The following EPHA7 variants were observed in gnomAD, a reference collection of about 807,000 sequenced individuals.
EPHA7 encodes the protein EPH receptor A7.
In EPHA7, 25 loss-of-function variants were observed where a neutral mutation model predicts 112.6. The ratio of observed to expected loss-of-function variants is 0.22; its 90% CI spans 0.16 to 0.31. The LOEUF (loss-of-function observed/expected upper bound fraction) is 0.31. Ranked by LOEUF, EPHA7 falls within the 10% of genes least tolerant of loss-of-function variation. The pLI, the probability that EPHA7 is intolerant of heterozygous loss-of-function variation, is 1.00. For missense variants in EPHA7, 962 were observed against 1,212.6 expected, an observed-to-expected ratio of 0.79 and a Z score of 3.07; for synonymous variants, 437 against 406.5, an observed-to-expected ratio of 1.07 and a Z score of -0.90.
intron 9 of EPHA7, 63 bp downstream of exon 9, chr6:93,263,797 G>T: frequency 7.3e-7 from 1 of 1,365,718 alleles, no homozygotes; most frequent in Non-Finnish European, 1.0e-6. Flanking sequence ...TAATGCCAAT[G>T]CTAATAACCA....
intron 5 of EPHA7, among the ~76,000 whole-genome samples, chr6:93,322,888 T>C (rs1244343290): frequency 6.6e-6 from 1 of 151,550 alleles, no homozygotes; most frequent in African/African-American, 2.4e-5. Context: ...TGTGTGTGTT[T>C]TACTAGCACT....
At chr6:93,370,488 A>G (rs549274812) in intron 3 of EPHA7, among the ~76,000 whole-genome samples, 236 of 152,318 alleles carry the variant, frequency 1.5e-3, no homozygotes, top group African/African-American at 5.5e-3. Flanking sequence ...GAAAACAGAA[A>G]TATCACTGAT....
At chr6:93,390,124 G>A (rs1313441591) in intron 3 of EPHA7, among the ~76,000 whole-genome samples, 1 of 151,526 alleles carries the variant, frequency 6.6e-6, no homozygotes, top group African/African-American at 2.4e-5. Flanking sequence ...CAACTATATT[G>A]TATCCCTGCC....
At chr6:93,324,215 C>T (rs774065745) in intron 5 of EPHA7, among the ~76,000 whole-genome samples, 1 of 151,328 alleles carries the variant, frequency 6.6e-6, no homozygotes, top group Non-Finnish European at 1.5e-5. Context: ...ACTTCCTTTA[C>T]CAACATATGA....
At position 93,419,462 on chromosome 6, in the gene EPHA7, C is replaced by A. The variant is rs904673115; in HGVS notation, c.-121G>T. The A allele has an allele frequency of 7.1e-6, 5 of 706,580 alleles. No homozygotes were observed. In the African/African-American group the frequency reaches 7.3e-5, roughly 10 times the overall value. The allele number at this position is 706,580 out of a possible 1,614,324, so 43.8% of individuals were successfully genotyped here. ...CCTTGCATCGATTCCCCTTCTCGGT[C>A]CCCGATCGGCTGCTCCACGTTTAGC... On this transcript the variant is annotated 5_prime_UTR_variant, in exon 1 of 17. Coordinates refer to ENST00000369303, the MANE Select transcript of EPHA7 (RefSeq NM_004440.4).
chr6:93,407,449 C>A (rs959740714), intron 3 of EPHA7, among the ~76,000 whole-genome samples: 2 of 151,932 alleles, frequency 1.3e-5, no homozygotes, highest in Non-Finnish European at 2.9e-5. Flanking sequence ...GGAATTATGC[C>A]AAGGAGGGAA....
At chr6:93,350,049 A>G (rs1270342872) in intron 5 of EPHA7, among the ~76,000 whole-genome samples, 2 of 151,900 alleles carry the variant, frequency 1.3e-5, no homozygotes, top group African/African-American at 4.8e-5. Context: ...ACTGACGCAA[A>G]CCTTTATTTT....
intron 5 of EPHA7, among the ~76,000 whole-genome samples, chr6:93,329,426 T>C (rs1582530951): frequency 6.6e-6 from 1 of 151,430 alleles, no homozygotes; most frequent in East Asian, 1.9e-4. Context: ...AATACAATTA[T>C]CATTTTTAGA....
At chr6:93,405,458 C>T (rs980810885) in intron 3 of EPHA7, among the ~76,000 whole-genome samples, 5 of 151,738 alleles carry the variant, frequency 3.3e-5, no homozygotes, top group South Asian at 2.1e-4. Flanking sequence ...CTATTTGTGG[C>T]CTGTGAGATA....
intron 5 of EPHA7, among the ~76,000 whole-genome samples, chr6:93,299,876 G>A (rs1361315748): frequency 7.2e-5 from 11 of 152,172 alleles, no homozygotes; most frequent in Non-Finnish European, 1.6e-4. Context: ...CAGAGGAACA[G>A]AAAAGTGAAT....
intron 4 of EPHA7, among the ~76,000 whole-genome samples, chr6:93,357,700 C>T (rs188742336): frequency 1.3e-5 from 2 of 149,820 alleles, no homozygotes; most frequent in Non-Finnish European, 2.9e-5. Context: ...ATTGTCCAAG[C>T]TGGAGTGTAG....
intron 5 of EPHA7, among the ~76,000 whole-genome samples, chr6:93,281,269 T>C (rs1002184607): frequency 6.6e-6 from 1 of 152,160 alleles, no homozygotes; most frequent in African/African-American, 2.4e-5. Flanking sequence ...TTTCAAAATG[T>C]TATAAAATAT....
chr6:93,419,437 C>A lies in EPHA7; in HGVS notation c.-96G>T, dbSNP rs1016377994. On this transcript the variant is annotated 5_prime_UTR_variant, in exon 1 of 17. Transcript: ENST00000369303. The stretch of plus-strand genomic sequence containing the variant: ...GAAGTAGCTTTTGTTTTATTGTGCT[C>A]CTTGCATCGATTCCCCTTCTCGGTC... 10 of 969,216 alleles carry A rather than the reference C, an allele frequency of 1.0e-5. No individual in the cohort carries two copies. The African/African-American group carries it at 1.5e-4, about 14-fold the overall frequency. The allele number at this position is 969,216 out of a possible 1,614,324, so 60.0% of individuals were successfully genotyped here.
At chr6:93,345,724 G>C (rs1775371289) in intron 5 of EPHA7, among the ~76,000 whole-genome samples, 1 of 151,714 alleles carries the variant, frequency 6.6e-6, no homozygotes, top group Non-Finnish European at 1.5e-5. Flanking sequence ...TGAAAAACAA[G>C]ATCTTGATAG....
intron 3 of EPHA7, among the ~76,000 whole-genome samples, chr6:93,373,003 C>T (rs1404643029): frequency 7.0e-6 from 1 of 143,424 alleles, no homozygotes; most frequent in Non-Finnish European, 1.6e-5. Flanking sequence ...GGTATATACT[C>T]TTACAATTTA....
At chr6:93,282,086 A>C (rs145449221) in intron 5 of EPHA7, among the ~76,000 whole-genome samples, 130 of 152,260 alleles carry the variant, frequency 8.5e-4, no homozygotes, top group African/African-American at 2.9e-3. Flanking sequence ...CATGTACATA[A>C]TAATACTCTG....
At chr6:93,411,919 G>A (rs952251032) in intron 2 of EPHA7, among the ~76,000 whole-genome samples, 1 of 151,884 alleles carries the variant, frequency 6.6e-6, no homozygotes, top group African/African-American at 2.4e-5. Flanking sequence ...AAAAATATCA[G>A]ATGTTTAAAA....
At chr6:93,246,708 C>A in intron 15 of EPHA7, 84 bp downstream of exon 15, 1 of 1,153,132 alleles carries the variant, frequency 8.7e-7, no homozygotes, top group Non-Finnish European at 1.2e-6. Context: ...AGTCAATTTG[C>A]CATTGTGGTG....
At chr6:93,405,777 GTA>G (rs1259495832) in intron 3 of EPHA7, among the ~76,000 whole-genome samples, 2 of 101,930 alleles carry the variant, frequency 2.0e-5, no homozygotes, top group African/African-American at 7.0e-5. Flanking sequence ...TTATATTTCT[GTA>G]TATATGTGTG....
Sources: allele counts gnomAD v4.1 joint callset (sites outside exome capture counted in the v4.1 genomes callset), GRCh38; gene constraint gnomAD v4.1.1; transcripts MANE v1.5; gene names NCBI Gene and HGNC (gene_info 2026-07-23, HGNC 2026-07-21).